The following R3HCC1L variants were observed in gnomAD, a reference collection of about 807,000 sequenced individuals.
R3HCC1L encodes R3H domain and coiled-coil containing 1 like.
A neutral mutation model predicts 59.9 loss-of-function variants in R3HCC1L; 51 were observed. The observed-to-expected ratio is 0.85, with a 90% CI of 0.68 to 1.07. The LOEUF is 1.07. R3HCC1L is among the 50% of genes least tolerant of loss of function. The pLI is 0.00. For synonymous variants in R3HCC1L, 322 were observed against 315.2 expected (o/e 1.02, Z -0.23); for missense variants, 965 against 933.0 (o/e 1.03, Z -0.45).
At chr10:98,244,046 T>A in intron 9 of R3HCC1L, 45 bp from the exon 10 acceptor site, 1 of 1,564,736 alleles carries the variant, frequency 6.4e-7, no homozygotes. Context: ...AAGTCATTGG[T>A]TATATGAAGT....
At chr10:98,233,853 T>C (rs1847247793) in intron 6 of R3HCC1L, among the ~76,000 whole-genome samples, 1 of 152,206 alleles carries the variant, frequency 6.6e-6, no homozygotes, top group Admixed American at 6.5e-5. Flanking sequence ...AATTTTTTCT[T>C]ATTTTTTTAA....
In R3HCC1L at chr10:98,144,686, A is replaced by G. The variant is rs112259721; in HGVS notation, c.-268+9980A>G. Among the ~76,000 whole-genome samples the G allele has an allele frequency of 9.8e-3, 1,489 of 152,278 alleles. 32 individuals carry two copies. Among genetic ancestry groups the G allele is most frequent in the African/African-American group, 0.033 (1,392 of 41,556 alleles). The stretch of plus-strand genomic sequence containing the variant: ...AAGTATTGACACAACAATCTTATGA[A>G]AGTTAACCCTCTGCTTAGAACATTA... On this transcript the variant is annotated intron_variant, in intron 1 of 9. Coordinates refer to ENST00000298999, the MANE Select transcript of R3HCC1L (RefSeq NM_001351015.2).
intron 4 of R3HCC1L, among the ~76,000 whole-genome samples, chr10:98,188,196 G>A (rs112651761): frequency 0.011 from 1,665 of 152,242 alleles, 41 homozygotes; most frequent in African/African-American, 0.037. Context: ...CTTATTGAAT[G>A]CTGTATGTGC....
intron 4 of R3HCC1L, among the ~76,000 whole-genome samples, chr10:98,205,503 A>G (rs1852534086): frequency 6.6e-6 from 1 of 152,240 alleles, no homozygotes; most frequent in Non-Finnish European, 1.5e-5. Context: ...CATTCTTAAA[A>G]AATGATTACT....
chr10:98,161,473 C>T (rs958400382), intron 2 of R3HCC1L, among the ~76,000 whole-genome samples: 13 of 151,976 alleles, frequency 8.6e-5, no homozygotes, highest in Non-Finnish European at 1.2e-4. Context: ...AGTGTTTGTG[C>T]GTAGGTATGA....
chr10:98,139,709 C>A (rs1043097811), intron 1 of R3HCC1L, among the ~76,000 whole-genome samples: 2 of 152,158 alleles, frequency 1.3e-5, no homozygotes, highest in Non-Finnish European at 2.9e-5. Flanking sequence ...AGAGAATTTT[C>A]TTTTCTCTTA....
intron 9 of R3HCC1L, among the ~76,000 whole-genome samples, chr10:98,239,100 ACT>A (rs1201843710): frequency 6.6e-6 from 1 of 152,172 alleles, no homozygotes; most frequent in Non-Finnish European, 1.5e-5. Flanking sequence ...AAGCGAAAGT[ACT>A]CCTCAGCCTA....
At chr10:98,166,335 G>T (rs1590503606) in intron 4 of R3HCC1L, among the ~76,000 whole-genome samples, 1 of 152,342 alleles carries the variant, frequency 6.6e-6, no homozygotes, top group Non-Finnish European at 1.5e-5. Flanking sequence ...TATTAGAATT[G>T]TGAGAAATTT....
chr10:98,213,016 C>T (rs1853765152), intron 5 of R3HCC1L, among the ~76,000 whole-genome samples: 1 of 152,114 alleles, frequency 6.6e-6, no homozygotes, highest in Admixed American at 6.6e-5. Context: ...TCTTACTTCT[C>T]AGTGTGTGCT....
intron 1 of R3HCC1L, among the ~76,000 whole-genome samples, chr10:98,146,114 G>A (rs932633849): frequency 3.3e-5 from 5 of 152,098 alleles, no homozygotes; most frequent in Non-Finnish European, 7.4e-5. Flanking sequence ...TTACTATGGA[G>A]GATATTTTAA....
At chr10:98,216,589 G>T (rs965265765) in intron 5 of R3HCC1L, among the ~76,000 whole-genome samples, 1 of 152,106 alleles carries the variant, frequency 6.6e-6, no homozygotes, top group African/African-American at 2.4e-5. Flanking sequence ...ATGTGGTGGG[G>T]GTTGAGACAG....
chr10:98,242,092 C>G (rs2135778882), intron 9 of R3HCC1L, among the ~76,000 whole-genome samples: 1 of 152,300 alleles, frequency 6.6e-6, no homozygotes, highest in East Asian at 1.9e-4. Context: ...CGCCTGTCAT[C>G]CCAGCACTTT....
intron 5 of R3HCC1L, among the ~76,000 whole-genome samples, chr10:98,227,990 AT>A (rs146445224): frequency 0.014 from 2,143 of 152,238 alleles, 17 homozygotes; most frequent in Non-Finnish European, 0.024. Context: ...ATTATTGGAC[AT>A]TTGGGTTGGT....
intron 4 of R3HCC1L, among the ~76,000 whole-genome samples, chr10:98,187,730 CT>C (rs755546581): frequency 0.028 from 2,664 of 95,150 alleles, 37 homozygotes; most frequent in African/African-American, 0.056. Flanking sequence ...TGTAACAATT[CT>C]TTTTTTTTTT....
At chr10:98,179,769 A>G (rs918323693) in intron 4 of R3HCC1L, among the ~76,000 whole-genome samples, 5 of 152,130 alleles carry the variant, frequency 3.3e-5, no homozygotes, top group Non-Finnish European at 5.9e-5. Context: ...CAGGGATTCA[A>G]ATTCTTCCTG....
intron 1 of R3HCC1L, among the ~76,000 whole-genome samples, chr10:98,142,973 A>C (rs561727387): frequency 3.7e-4 from 56 of 151,256 alleles, no homozygotes; most frequent in African/African-American, 7.1e-4. Flanking sequence ...CAAAACAAAA[A>C]AAAAACAGAA....
At chr10:98,151,202 C>T (rs777880030) in intron 1 of R3HCC1L, among the ~76,000 whole-genome samples, 4 of 152,126 alleles carry the variant, frequency 2.6e-5, no homozygotes, top group Non-Finnish European at 4.4e-5. Context: ...CTTGCTTCTA[C>T]GCTGCCATTT....
intron 5 of R3HCC1L, among the ~76,000 whole-genome samples, chr10:98,218,496 T>G (rs1288400769): frequency 6.6e-6 from 1 of 152,228 alleles, no homozygotes; most frequent in Non-Finnish European, 1.5e-5. Context: ...AAAAAAACTT[T>G]TGTTTCATTG....
intron 2 of R3HCC1L, among the ~76,000 whole-genome samples, chr10:98,161,668 G>A (rs1020858523): frequency 2.6e-5 from 4 of 152,062 alleles, no homozygotes; most frequent in Non-Finnish European, 5.9e-5. Context: ...CTTTAAAAAT[G>A]AATAAAAAGA....
Sources: gnomAD v4.1 joint callset for allele counts (sites outside exome capture counted in the v4.1 genomes callset) on GRCh38, gnomAD v4.1.1 for gene constraint, MANE v1.5 for transcripts, NCBI Gene and HGNC (gene_info 2026-07-23, HGNC 2026-07-21) for gene names.